Variants in CEP85L observed in about 807,000 individuals in gnomAD.
CEP85L encodes centrosomal protein 85L.
Under a neutral mutation model 100.3 loss-of-function variants are expected in CEP85L, and 60 were observed. That is an observed-to-expected ratio of 0.60 (90% CI 0.49 to 0.74). The LOEUF is 0.74. CEP85L is among the 30% of genes least tolerant of loss of function. CEP85L has a pLI of 0.00. For synonymous variants in CEP85L, 319 were observed against 322.7 expected (o/e 0.99, Z 0.12); for missense variants, 973 against 936.2 (o/e 1.04, Z -0.51).
intron 3 of CEP85L, among the ~76,000 whole-genome samples, chr6:118,552,497 A>G (rs1330955256): frequency 6.6e-6 from 1 of 152,040 alleles, no homozygotes; most frequent in Non-Finnish European, 1.5e-5. Flanking sequence ...GACTCACTGC[A>G]GACAAAGTAA....
intron 3 of CEP85L, among the ~76,000 whole-genome samples, chr6:118,555,642 T>C (rs1031410994): frequency 2.6e-5 from 4 of 152,186 alleles, no homozygotes; most frequent in African/African-American, 9.7e-5. Context: ...TTTAAGCTGC[T>C]ATGTCCCTTA....
chr6:118,504,108 T>C (rs968286316), intron 5 of CEP85L, among the ~76,000 whole-genome samples: 47 of 152,256 alleles, frequency 3.1e-4, no homozygotes, highest in African/African-American at 1.1e-3. Flanking sequence ...GCGCGGTAGC[T>C]CACACTTCTA....
At chr6:118,587,476 C>T (rs1369477126) in intron 2 of CEP85L, among the ~76,000 whole-genome samples, 5 of 152,184 alleles carry the variant, frequency 3.3e-5, no homozygotes, top group Non-Finnish European at 1.5e-5. Context: ...GGGTGATATA[C>T]AAGGATAGAA....
chr6:118,620,793 C>T (rs1360001677), intron 2 of CEP85L, among the ~76,000 whole-genome samples: 2 of 152,114 alleles, frequency 1.3e-5, no homozygotes, highest in African/African-American at 4.8e-5. Flanking sequence ...CCAAGGAATC[C>T]TAGGACAGCC....
intron 4 of CEP85L, among the ~76,000 whole-genome samples, chr6:118,512,844 C>A (rs1252024306): frequency 6.6e-6 from 1 of 151,962 alleles, no homozygotes; most frequent in East Asian, 1.9e-4. Flanking sequence ...TTCATAATGC[C>A]TGGCATCAAA....
At chr6:118,486,256 C>G (rs997754103) in intron 6 of CEP85L, among the ~76,000 whole-genome samples, 3 of 152,104 alleles carry the variant, frequency 2.0e-5, no homozygotes, top group Admixed American at 2.0e-4. Context: ...GAAGTCTGAA[C>G]TGCATTAATT....
At chr6:118,570,744 A>T (rs1779839855) in intron 2 of CEP85L, among the ~76,000 whole-genome samples, 2 of 152,176 alleles carry the variant, frequency 1.3e-5, no homozygotes, top group Non-Finnish European at 2.9e-5. Flanking sequence ...TTACTATAAC[A>T]TCATTCCATA....
At chr6:118,524,007 TAAAAA>T (rs3838966) in intron 3 of CEP85L, 87 bp from the exon 4 acceptor site, 5 of 525,242 alleles carry the variant, frequency 9.5e-6, no homozygotes, top group Non-Finnish European at 1.5e-5. Context: ...AGATTTATAT[TAAAAA>T]AAAAGAACTC....
chr6:118,484,108 G>C (rs1015877562), intron 6 of CEP85L, among the ~76,000 whole-genome samples: 11 of 152,122 alleles, frequency 7.2e-5, no homozygotes, highest in African/African-American at 2.4e-4. Context: ...TCAGGAGCTT[G>C]AGACCAGCCT....
intron 10 of CEP85L, among the ~76,000 whole-genome samples, chr6:118,473,541 A>G (rs1773124346): frequency 2.0e-5 from 3 of 151,436 alleles, no homozygotes; most frequent in African/African-American, 4.8e-5. Flanking sequence ...AGAAATCAGT[A>G]TAAGAACTTT....
Position 118,479,915 on chromosome 6 carries a change from C to T in CEP85L, c.1870G>A (p.Asp624Asn). 2 of 1,474,174 alleles carry T rather than the reference C, an allele frequency of 1.4e-6. No homozygotes were observed. Among genetic ancestry groups the T allele is most frequent in the Non-Finnish European group, 1.9e-6 (2 of 1,078,108 alleles). The allele number at this position is 1,474,174 out of a possible 1,614,324, so 91.3% of individuals were successfully genotyped here. A position where few individuals can be genotyped will look rare whatever the true frequency, so the allele number is the denominator to read the frequency against. ...QQNETASKII[D>N]SQQDEIDRMI... ...CTGTCAATCTCATCTTGTTGGCTGT[C>T]TATTATCTAAAACAAAATAAATACA... Residue 624 changes from aspartate to asparagine, a missense_variant, in exon 10 of 13, where the codon GAC becomes AAC. Coordinates refer to ENST00000368491, the MANE Select transcript of CEP85L (RefSeq NM_001042475.3).
At chr6:118,478,257 A>ATCT (rs1403074553) in intron 10 of CEP85L, among the ~76,000 whole-genome samples, 3 of 152,132 alleles carry the variant, frequency 2.0e-5, no homozygotes, top group African/African-American at 7.2e-5. Flanking sequence ...CTTTTAGAAA[A>ATCT]AGGTCACCAA....
intron 1 of CEP85L, among the ~76,000 whole-genome samples, chr6:118,634,354 A>AT (rs1225439747): frequency 4.6e-5 from 7 of 152,338 alleles, no homozygotes; most frequent in African/African-American, 1.7e-4. Flanking sequence ...TACCTCTATC[A>AT]TACTAAGCTC....
chr6:118,519,473 T>TGTGTGTGTGTG (rs1776500318), intron 4 of CEP85L, among the ~76,000 whole-genome samples: 1 of 18,212 alleles, frequency 5.5e-5, no homozygotes, highest in Admixed American at 5.5e-4. Context: ...TGTGTGTGTG[T>TGTGTGTGTGTG]GGCGGGGGGG....
chr6:118,682,139 TA>T (rs747490269), intron 1 of CEP85L, among the ~76,000 whole-genome samples: 1 of 152,210 alleles, frequency 6.6e-6, no homozygotes, highest in Non-Finnish European at 1.5e-5. Context: ...TTTCCATATG[TA>T]ATTAGAAATA....
intron 3 of CEP85L, among the ~76,000 whole-genome samples, chr6:118,544,384 G>A (rs141595881): frequency 3.3e-5 from 5 of 152,152 alleles, no homozygotes; most frequent in Admixed American, 1.3e-4. Flanking sequence ...ATTATTACAC[G>A]TGCTCATTTG....
At chr6:118,587,984 C>T (rs752630224) in intron 2 of CEP85L, among the ~76,000 whole-genome samples, 3 of 152,166 alleles carry the variant, frequency 2.0e-5, no homozygotes, top group Non-Finnish European at 4.4e-5. Context: ...TTCTTTGTGG[C>T]TCCTGGATAC....
At chr6:118,503,210 T>C (rs1775418229) in intron 5 of CEP85L, among the ~76,000 whole-genome samples, 4 of 152,222 alleles carry the variant, frequency 2.6e-5, no homozygotes, top group African/African-American at 9.6e-5. Flanking sequence ...AATCAAAAAA[T>C]AAGATAGGTA....
At position 118,566,130 on chromosome 6, in the gene CEP85L, TC is replaced by T. The variant is rs776770568; in HGVS notation, c.418del (p.Glu140SerfsTer6). On this transcript the variant is annotated frameshift_variant, in exon 3 of 13. Coordinates refer to ENST00000368491, the MANE Select transcript of CEP85L (RefSeq NM_001042475.3). LOFTEE classifies it high-confidence loss of function. ...MQTLGNHSRG[E>X]QDSSLDMKDF... ...CTTCATGTCTAGGGAAGAGTCCTGC[TC>T]CCCCCTACTGTGGTTTCCCAATGTT... is the stretch of plus-strand genomic sequence containing the variant. The T allele has an allele frequency of 5.0e-6, 8 of 1,613,912 alleles. No homozygotes were observed. The highest frequency in any genetic ancestry group is 5.9e-6 in the Non-Finnish European group (7 of 1,180,010).
Sources: gnomAD v4.1 joint callset for allele counts (sites outside exome capture counted in the v4.1 genomes callset) on GRCh38, gnomAD v4.1.1 for gene constraint, MANE v1.5 for transcripts, NCBI Gene and HGNC (gene_info 2026-07-23, HGNC 2026-07-21) for gene names.